Variants in IQSEC3 observed in about 807,000 individuals in gnomAD.
IQSEC3 encodes the protein IQ motif and SEC7 domain-containing protein 3.
Under a neutral mutation model 105.4 loss-of-function variants are expected in IQSEC3, and 50 were observed. The observed-to-expected ratio is 0.47, with a 90% confidence interval of 0.38 to 0.60. The LOEUF (loss-of-function observed/expected upper bound fraction) is 0.60, where lower values mean the gene tolerates loss of function less well. Ranked by LOEUF, IQSEC3 falls within the 20% of genes least tolerant of loss-of-function variation. IQSEC3 has a pLI of 0.00. For missense variants in IQSEC3, 1,415 were observed against 1,630.0 expected (o/e 0.87, Z 2.27); for synonymous variants, 708 against 746.0 (o/e 0.95, Z 0.83).
intron 1 of IQSEC3, among the ~76,000 whole-genome samples, chr12:88,610 G>T (rs1863989444): frequency 6.6e-6 from 1 of 152,162 alleles, no homozygotes; most frequent in African/African-American, 2.4e-5. Flanking sequence ...GGCCAACCTG[G>T]GTCTGGATAC....
intron 3 of IQSEC3, among the ~76,000 whole-genome samples, chr12:127,754 T>A (rs1339259342): frequency 1.3e-5 from 2 of 152,144 alleles, no homozygotes; most frequent in Non-Finnish European, 2.9e-5. Flanking sequence ...TTTGTTTGAG[T>A]TCATTGTAGA....
In IQSEC3 at chr12:99,960, A is replaced by G. The variant is rs574045822; in HGVS notation, c.623+746A>G. Among the ~76,000 whole-genome samples, 26 of 126,584 alleles carry G rather than the reference A, an allele frequency of 2.1e-4. No homozygotes were observed. The Admixed American group carries it at 2.2e-3, about 11-fold the overall frequency. The allele number at this position is 126,584 out of a possible 152,430, so 83.0% of individuals were successfully genotyped here. On this transcript the variant is annotated intron_variant, in intron 2 of 13. Coordinates refer to ENST00000538872, the MANE Select transcript of IQSEC3 (RefSeq NM_001170738.2). ...CCCGCCCCCCGATCTGTGTTCTGTC[A>G]ATCTCTCTCTCACTCTTTTCTCTTT...
chr12:163,689 G>A (rs1867032510), intron 9 of IQSEC3, 70 bp downstream of exon 9: 1 of 906,318 alleles, frequency 1.1e-6, no homozygotes, highest in Non-Finnish European at 1.8e-6. Flanking sequence ...GCCTGGGCAG[G>A]GTCCCTGAAG....
intron 3 of IQSEC3, among the ~76,000 whole-genome samples, chr12:131,909 AG>A (rs1225043945): frequency 6.6e-6 from 1 of 152,214 alleles, no homozygotes; most frequent in Non-Finnish European, 1.5e-5. Context: ...TTCAGGGAGC[AG>A]TTGCTCCATG....
At position 157,700 on chromosome 12, in the gene IQSEC3, G is replaced by A. The variant is rs781791141; in HGVS notation, c.2443+6G>A. ...CTTCATCCGAAACCTTCGAGGTGAGGAGGTGGGCACTGGGGCAGGAGGGGC... is the reference window on the plus strand; with the variant it reads ...CTTCATCCGAAACCTTCGAGGTGAGAAGGTGGGCACTGGGGCAGGAGGGGC... On this transcript the variant is annotated splice_donor_region_variant and intron_variant, in intron 7 of 13. Transcript: ENST00000538872. 2 of 1,610,114 alleles carry A rather than the reference G, an allele frequency of 1.2e-6. No individual in the cohort carries two copies. The highest frequency in any genetic ancestry group is 1.7e-6 in the Non-Finnish European group (2 of 1,177,408).
intron 2 of IQSEC3, among the ~76,000 whole-genome samples, chr12:109,002 G>A (rs1350365232): frequency 2.0e-5 from 3 of 152,180 alleles, no homozygotes; most frequent in East Asian, 1.9e-4. Flanking sequence ...TGCAAGGGTC[G>A]CCCCTTGGCC....
intron 2 of IQSEC3, among the ~76,000 whole-genome samples, chr12:120,951 C>T (rs1417815679): frequency 6.6e-6 from 1 of 152,216 alleles, no homozygotes; most frequent in South Asian, 2.1e-4. Flanking sequence ...CAGCATCGCT[C>T]ATATACCAGC....
chr12:109,393 G>GC (rs1287628111), intron 2 of IQSEC3, among the ~76,000 whole-genome samples: 11 of 152,170 alleles, frequency 7.2e-5, no homozygotes, highest in African/African-American at 2.2e-4. Flanking sequence ...TCCTTATGTA[G>GC]CCCCCCGGCC....
At chr12:121,397 T>C (rs1555081900) in intron 2 of IQSEC3, among the ~76,000 whole-genome samples, 1 of 152,194 alleles carries the variant, frequency 6.6e-6, no homozygotes, top group African/African-American at 2.4e-5. Flanking sequence ...GAGGACATGC[T>C]CTTGATGCTC....
chr12:92,452 C>T (rs1382471829), intron 1 of IQSEC3, among the ~76,000 whole-genome samples: 2 of 152,172 alleles, frequency 1.3e-5, no homozygotes, highest in African/African-American at 2.4e-5. Flanking sequence ...CTGAGAATGC[C>T]CCTCCCAGGC....
Position 139,363 on chromosome 12 carries a change from G to A in IQSEC3, c.1991+9G>A, listed in dbSNP as rs782571087. On this transcript the variant is annotated intron_variant, in intron 4 of 13. Coordinates refer to ENST00000538872, the MANE Select transcript of IQSEC3 (RefSeq NM_001170738.2). ...CTCAACCTCTTCAACATGTAAGTCA[G>A]CCCCGGCCCCCAGCCCGGAGTCCTG... is the stretch of plus-strand genomic sequence containing the variant. 2.0e-6 allele frequency: 3 copies of A among 1,530,330 alleles called. No homozygotes were observed. The highest frequency in any genetic ancestry group is 2.6e-6 in the Non-Finnish European group (3 of 1,132,264). 94.8% of individuals were successfully genotyped at this position (1,530,330 alleles called of 1,614,324 possible). A position where few individuals can be genotyped will look rare whatever the true frequency, so the allele number is the denominator to read the frequency against.
chr12:132,774 G>A (rs1014256929), intron 3 of IQSEC3, among the ~76,000 whole-genome samples: 2 of 152,146 alleles, frequency 1.3e-5, no homozygotes, highest in Admixed American at 1.3e-4. Flanking sequence ...GATGGACAGA[G>A]GATACACAGG....
chr12:74,298 T>C (rs533934473), intron 1 of IQSEC3, among the ~76,000 whole-genome samples: 1 of 152,274 alleles, frequency 6.6e-6, no homozygotes, highest in Non-Finnish European at 1.5e-5. Flanking sequence ...CTAAGAGGCC[T>C]GATGTGTGGT....
chr12:111,828 C>T (rs1864898466), intron 2 of IQSEC3: 1 of 152,188 alleles, frequency 6.6e-6, no homozygotes, highest in Non-Finnish European at 1.5e-5. Context: ...ATATGGGCCA[C>T]CAGGTTGTGA....
At chr12:85,016 G>C (rs1281678860) in intron 1 of IQSEC3, among the ~76,000 whole-genome samples, 1 of 152,176 alleles carries the variant, frequency 6.6e-6, no homozygotes, top group African/African-American at 2.4e-5. Flanking sequence ...ACCTCCGTTA[G>C]CCTCAAATGG....
intron 2 of IQSEC3, among the ~76,000 whole-genome samples, chr12:100,508 T>C (rs543385602): frequency 6.6e-6 from 1 of 152,258 alleles, no homozygotes; most frequent in South Asian, 2.1e-4. Flanking sequence ...TCATTTTGCC[T>C]CATAGGGGAG....
chr12:73,814 C>A (rs1206478577), intron 1 of IQSEC3, among the ~76,000 whole-genome samples: 1 of 152,270 alleles, frequency 6.6e-6, no homozygotes, highest in Non-Finnish European at 1.5e-5. Context: ...TACATGTGCT[C>A]TATTCTCATT....
intron 1 of IQSEC3, among the ~76,000 whole-genome samples, chr12:76,086 T>TCACACACA (rs55736036): frequency 4.9e-4 from 72 of 148,344 alleles, no homozygotes; most frequent in African/African-American, 1.7e-3. Flanking sequence ...GAGAGTTTCA[T>TCACACACA]CACACACACA....
intron 7 of IQSEC3, among the ~76,000 whole-genome samples, chr12:160,179 T>C (rs1302579525): frequency 8.4e-6 from 1 of 119,152 alleles, no homozygotes; most frequent in Non-Finnish European, 1.7e-5. Flanking sequence ...TTTTTCTGTT[T>C]TTTTTTTCCC....
Sources: allele counts gnomAD v4.1 joint callset (sites outside exome capture counted in the v4.1 genomes callset), GRCh38; gene constraint gnomAD v4.1.1; transcripts MANE v1.5; gene names NCBI Gene and HGNC (gene_info 2026-07-23, HGNC 2026-07-21).